DGKB: variants seen among roughly 807,000 people sequenced by gnomAD.
DGKB encodes diacylglycerol kinase beta.
In DGKB, 67 loss-of-function variants were observed where a neutral mutation model predicts 114.3. The ratio of observed to expected loss-of-function variants is 0.59; its 90% CI spans 0.48 to 0.72. DGKB has a LOEUF of 0.72. Among genes scored for constraint, DGKB ranks in the 30% least tolerant of loss-of-function variants. The probability of loss-of-function intolerance (pLI) is 0.00; values close to 1 mark genes in which losing one functional copy is unlikely to be tolerated. For synonymous variants in DGKB, 398 were observed against 323.1 expected, an observed-to-expected ratio of 1.23 and a Z score of -2.49; for missense variants, 907 against 975.2, an observed-to-expected ratio of 0.93 and a Z score of 0.93.
chr7:14,944,988 T>A (rs1037714184), intron 1 of DGKB, among the ~76,000 whole-genome samples: 2 of 151,636 alleles, frequency 1.3e-5, no homozygotes, highest in Non-Finnish European at 2.9e-5. Flanking sequence ...TAACAAGCAT[T>A]GAAGTATGTA....
intron 20 of DGKB, among the ~76,000 whole-genome samples, chr7:14,570,737 G>C (rs1798259784): frequency 6.6e-6 from 1 of 151,904 alleles, no homozygotes; most frequent in South Asian, 2.1e-4. Context: ...AGAAGAGAAG[G>C]GGTTGATCTT....
chr7:14,437,700 A>T (rs763253120), intron 21 of DGKB, among the ~76,000 whole-genome samples: 2 of 151,580 alleles, frequency 1.3e-5, no homozygotes, highest in Non-Finnish European at 2.9e-5. Flanking sequence ...GGTGAATTAA[A>T]AATATATTTT....
At chr7:14,815,361 C>T (rs1236168844) in intron 2 of DGKB, 1 of 152,238 alleles carries the variant, frequency 6.6e-6, no homozygotes, top group Non-Finnish European at 1.5e-5. Context: ...GGTCCCCTTA[C>T]AGCAGGTCTC....
At chr7:14,387,219 C>T (rs1247255856) in intron 21 of DGKB, among the ~76,000 whole-genome samples, 1 of 151,806 alleles carries the variant, frequency 6.6e-6, no homozygotes, top group Non-Finnish European at 1.5e-5. Flanking sequence ...GTCAGGAGAT[C>T]GAGACAAGCC....
chr7:14,744,132 T>C (rs189066327), intron 4 of DGKB, among the ~76,000 whole-genome samples: 125 of 152,334 alleles, frequency 8.2e-4, no homozygotes, highest in African/African-American at 3.0e-3. Context: ...ATTTACAGTC[T>C]TTAATAATTG....
intron 13 of DGKB, among the ~76,000 whole-genome samples, chr7:14,644,129 A>T (rs1326914675): frequency 6.6e-6 from 1 of 151,596 alleles, no homozygotes; most frequent in Non-Finnish European, 1.5e-5. Context: ...AAAAAAAAAA[A>T]ATCATATGGA....
chr7:14,268,191 A>T (rs112398125), intron 23 of DGKB, among the ~76,000 whole-genome samples: 405 of 147,110 alleles, frequency 2.8e-3, no homozygotes, highest in Non-Finnish European at 4.1e-3. Context: ...TTAAAATCAC[A>T]CACACCCATA....
intron 20 of DGKB, among the ~76,000 whole-genome samples, chr7:14,485,227 G>A (rs770047997): frequency 3.3e-5 from 5 of 151,454 alleles, no homozygotes; most frequent in Non-Finnish European, 7.4e-5. Flanking sequence ...TTCTAAATGC[G>A]AGCACAGGTA....
At chr7:14,243,819 G>GT (rs1338122832) in intron 23 of DGKB, among the ~76,000 whole-genome samples, 2 of 151,876 alleles carry the variant, frequency 1.3e-5, no homozygotes, top group Admixed American at 6.5e-5. Context: ...CCCCAGCTTT[G>GT]TTTTTTCTAT....
At chr7:14,573,157 A>C (rs532475190) in intron 20 of DGKB, among the ~76,000 whole-genome samples, 4 of 152,306 alleles carry the variant, frequency 2.6e-5, no homozygotes, top group Admixed American at 2.0e-4. Flanking sequence ...TTTTATACCA[A>C]CGTGAATAGG....
intron 20 of DGKB, among the ~76,000 whole-genome samples, chr7:14,479,735 T>A (rs1435457951): frequency 6.6e-6 from 1 of 152,116 alleles, no homozygotes; most frequent in Admixed American, 6.6e-5. Context: ...TACTGTGGTA[T>A]GAGATTACAG....
At chr7:14,853,784 C>G (rs1446264699) in intron 1 of DGKB, among the ~76,000 whole-genome samples, 4 of 143,712 alleles carry the variant, frequency 2.8e-5, no homozygotes, top group African/African-American at 1.0e-4. Context: ...AGGAGAATGG[C>G]GTGAACCCAC....
intron 2 of DGKB, among the ~76,000 whole-genome samples, chr7:14,774,980 A>G (rs1420160067): frequency 6.6e-6 from 1 of 152,154 alleles, no homozygotes; most frequent in African/African-American, 2.4e-5. Context: ...AAAAATGCCC[A>G]TTTCATAAAA....
chr7:14,593,012 T>C (rs551144953), intron 17 of DGKB, among the ~76,000 whole-genome samples: 1 of 152,034 alleles, frequency 6.6e-6, no homozygotes, highest in Non-Finnish European at 1.5e-5. Context: ...CTAAGTGGGA[T>C]AGTTATAAAA....
At chr7:14,255,740 T>TC (rs201721858) in intron 23 of DGKB, among the ~76,000 whole-genome samples, 2 of 63,196 alleles carry the variant, frequency 3.2e-5, no homozygotes, top group Non-Finnish European at 8.5e-5. Context: ...TTCTCATCTC[T>TC]TTTTTTTTTT....
At chr7:14,166,383 G>T (rs571791522) in intron 25 of DGKB, among the ~76,000 whole-genome samples, 38 of 152,238 alleles carry the variant, frequency 2.5e-4, no homozygotes, top group African/African-American at 8.9e-4. Flanking sequence ...AAGGTTTAGG[G>T]CATTTATTAG....
intron 1 of DGKB, among the ~76,000 whole-genome samples, chr7:14,880,526 T>G (rs921880866): frequency 7.9e-5 from 12 of 152,170 alleles, no homozygotes; most frequent in African/African-American, 2.7e-4. Context: ...GATTGCTAGT[T>G]ACTCAAGATC....
intron 23 of DGKB, among the ~76,000 whole-genome samples, chr7:14,314,538 G>A (rs1436477826): frequency 6.6e-6 from 1 of 152,010 alleles, no homozygotes; most frequent in East Asian, 1.9e-4. Context: ...ATCAGCAATG[G>A]AAGATGAAAT....
At chr7:14,584,163 A>G (rs1197081099) in intron 17 of DGKB, among the ~76,000 whole-genome samples, 1 of 152,138 alleles carries the variant, frequency 6.6e-6, no homozygotes, top group Non-Finnish European at 1.5e-5. Context: ...TGCATATGTC[A>G]TGTGTTGCAT....
Sources: allele counts gnomAD v4.1 joint callset (sites outside exome capture counted in the v4.1 genomes callset), GRCh38; gene constraint gnomAD v4.1.1; transcripts MANE v1.5; gene names NCBI Gene and HGNC (gene_info 2026-07-23, HGNC 2026-07-21).